OSBPL9: variants seen among roughly 807,000 people sequenced by gnomAD.
The protein encoded by OSBPL9 is oxysterol-binding protein-related protein 9.
A neutral mutation model predicts 106.6 loss-of-function variants in OSBPL9; 40 were observed. The ratio of observed to expected loss-of-function variants is 0.38; its 90% CI spans 0.29 to 0.49. The LOEUF is 0.49. Ranked by LOEUF, OSBPL9 falls within the 20% of genes least tolerant of loss-of-function variation. The pLI, the probability that OSBPL9 is intolerant of heterozygous loss-of-function variation, is 0.97. For synonymous variants in OSBPL9, 269 were observed against 295.4 expected, an observed-to-expected ratio of 0.91 and a Z score of 0.92; for missense variants, 609 against 887.2, an observed-to-expected ratio of 0.69 and a Z score of 3.98.
At chr1:51,675,703 G>T (rs1299036200) in intron 3 of OSBPL9, among the ~76,000 whole-genome samples, 2 of 152,138 alleles carry the variant, frequency 1.3e-5, no homozygotes, top group Non-Finnish European at 2.9e-5. Flanking sequence ...AAAAGTAGTT[G>T]CACATTAGCT....
intron 4 of OSBPL9, 82 bp downstream of exon 4, chr1:51,714,161 A>T: frequency 9.8e-7 from 1 of 1,017,926 alleles, no homozygotes; most frequent in Non-Finnish European, 1.4e-6. Context: ...TTTTTTTTAA[A>T]TAACTGTGGT....
At chr1:51,688,377 A>G (rs1010405029) in intron 3 of OSBPL9, among the ~76,000 whole-genome samples, 4 of 152,186 alleles carry the variant, frequency 2.6e-5, no homozygotes, top group Admixed American at 1.3e-4. Flanking sequence ...TATGCCTGTA[A>G]TCTCAATACT....
chr1:51,577,016 C>T (rs1234695819), upstream of OSBPL9, among the ~76,000 whole-genome samples: 1 of 152,118 alleles, frequency 6.6e-6, no homozygotes, highest in African/African-American at 2.4e-5. Flanking sequence ...GAGAATCCTT[C>T]ATGAATAGCT....
chr1:51,632,152 A>G (rs1183653236), intron 1 of OSBPL9, among the ~76,000 whole-genome samples: 2 of 152,202 alleles, frequency 1.3e-5, no homozygotes, highest in Admixed American at 1.3e-4. Flanking sequence ...TAAAATAACA[A>G]TAAAATACAG....
chr1:51,584,617 G>A (rs1315370896), intron 1 of OSBPL9, among the ~76,000 whole-genome samples: 1 of 152,168 alleles, frequency 6.6e-6, no homozygotes, highest in Non-Finnish European at 1.5e-5. Context: ...TCAGGAGGCT[G>A]AAGCAGGAGA....
upstream of OSBPL9, among the ~76,000 whole-genome samples, chr1:51,573,694 G>A (rs1645166243): frequency 6.7e-6 from 1 of 148,634 alleles, no homozygotes. Context: ...TGAGCCTTTA[G>A]TCCCAACTCC....
chr1:51,577,146 T>C (rs941848135), upstream of OSBPL9: 1 of 152,136 alleles, frequency 6.6e-6, no homozygotes, highest in Non-Finnish European at 1.5e-5. Context: ...GTTTTCACCA[T>C]GTGACGTACC....
At chr1:51,710,788 T>G (rs556985101) in intron 3 of OSBPL9, among the ~76,000 whole-genome samples, 6 of 152,370 alleles carry the variant, frequency 3.9e-5, no homozygotes, top group Middle Eastern at 3.4e-3. Flanking sequence ...CTGGCTGTTT[T>G]AAAGATATTT....
At chr1:51,641,535 A>G (rs569494182) in intron 1 of OSBPL9, among the ~76,000 whole-genome samples, 43 of 152,340 alleles carry the variant, frequency 2.8e-4, no homozygotes, top group African/African-American at 1.0e-3. Context: ...CTACTTTCTG[A>G]TAGACTTATG....
In OSBPL9 at chr1:51,730,206, G is replaced by A. The variant is rs1432129337; in HGVS notation, c.319-15330G>A. On this transcript the variant is annotated intron_variant, in intron 4 of 23. Coordinates refer to ENST00000428468, the MANE Select transcript of OSBPL9 (RefSeq NM_024586.6). ...CAGCCTAGATGGGGTGGAGGCTGAG[G>A]TCAGGGCCTCCAGTTCCACCGAGAG... 3.3e-6 allele frequency: 4 copies of A among 1,206,186 alleles called. No individual in the cohort carries two copies. In the East Asian group the frequency reaches 1.3e-4, roughly 38 times the overall value. The allele number at this position is 1,206,186 out of a possible 1,614,324, so 74.7% of individuals were successfully genotyped here. A position where few individuals can be genotyped will look rare whatever the true frequency, so the allele number is the denominator to read the frequency against.
chr1:51,767,794 A>G (rs914064982), intron 12 of OSBPL9, among the ~76,000 whole-genome samples: 5 of 152,156 alleles, frequency 3.3e-5, no homozygotes, highest in Non-Finnish European at 7.3e-5. Context: ...TGCCAATAGA[A>G]ATTTAATTTT....
chr1:51,538,676 A>G, the OSBPL9 span: 1 of 152,184 alleles, frequency 6.6e-6, no homozygotes, highest in African/African-American at 2.4e-5. Context: ...GAGTCAAGCC[A>G]ATTTTCTCTG....
intron 2 of OSBPL9, among the ~76,000 whole-genome samples, chr1:51,662,134 T>C (rs1233700690): frequency 2.0e-5 from 3 of 152,152 alleles, no homozygotes; most frequent in African/African-American, 7.2e-5. Flanking sequence ...CTCCAAGGAA[T>C]GGAAGGTTAA....
At chr1:51,532,954 T>C in the OSBPL9 span, among the ~76,000 whole-genome samples, 1 of 152,144 alleles carries the variant, frequency 6.6e-6, no homozygotes, top group Non-Finnish European at 1.5e-5. Context: ...ATTGTTAGAT[T>C]ATTATTAATA....
chr1:51,690,431 T>C (rs965730712), intron 3 of OSBPL9, among the ~76,000 whole-genome samples: 11 of 152,190 alleles, frequency 7.2e-5, no homozygotes, highest in Non-Finnish European at 1.6e-4. Context: ...GAGGAACACT[T>C]GTGTAAATAT....
At chr1:51,730,858 CATCTT>C (rs1327190436) in intron 4 of OSBPL9, among the ~76,000 whole-genome samples, 1 of 152,094 alleles carries the variant, frequency 6.6e-6, no homozygotes, top group Non-Finnish European at 1.5e-5. Flanking sequence ...AAGCTGGAAG[CATCTT>C]AGAATAGTAG....
intron 1 of OSBPL9, among the ~76,000 whole-genome samples, chr1:51,577,620 T>C (rs1051643070): frequency 2.0e-5 from 3 of 152,198 alleles, no homozygotes; most frequent in South Asian, 4.1e-4. Flanking sequence ...GCGTAATACA[T>C]TGTCTTTTCT....
At chr1:51,781,087 A>G in intron 15 of OSBPL9, 77 bp from the exon 16 acceptor site, 1 of 1,422,444 alleles carries the variant, frequency 7.0e-7, no homozygotes, top group Non-Finnish European at 9.7e-7. Flanking sequence ...ACTTAGGTGG[A>G]CCATGCTGGG....
At chr1:51,582,453 G>A (rs375700466) in intron 1 of OSBPL9, among the ~76,000 whole-genome samples, 1 of 152,156 alleles carries the variant, frequency 6.6e-6, no homozygotes, top group African/African-American at 2.4e-5. Flanking sequence ...TCAGCCTCCC[G>A]ATTAGCTGGG....
Sources: gnomAD v4.1 joint callset for allele counts (sites outside exome capture counted in the v4.1 genomes callset) on GRCh38, gnomAD v4.1.1 for gene constraint, MANE v1.5 for transcripts, NCBI Gene and HGNC (gene_info 2026-07-23, HGNC 2026-07-21) for gene names.